The following ATP6V0D1 variants were observed in gnomAD, a reference collection of about 807,000 sequenced individuals.
ATP6V0D1 encodes the protein V-type proton ATPase subunit d 1.
In ATP6V0D1, 13 loss-of-function variants were observed where a neutral mutation model predicts 39.0. The observed-to-expected ratio is 0.33, with a 90% CI of 0.22 to 0.53. ATP6V0D1 has a LOEUF of 0.53. Ranked by LOEUF, ATP6V0D1 falls within the 20% of genes least tolerant of loss-of-function variation. ATP6V0D1 has a pLI of 0.94. For synonymous variants in ATP6V0D1, 191 were observed against 191.2 expected (o/e 1.00, Z 0.01); for missense variants, 272 against 470.9 (o/e 0.58, Z 3.91).
At chr16:67,464,221 C>G (rs79731443) in intron 1 of ATP6V0D1, among the ~76,000 whole-genome samples, 1 of 152,296 alleles carries the variant, frequency 6.6e-6, no homozygotes, top group East Asian at 1.9e-4. Context: ...GCCCCAGAAA[C>G]AGGGTCCTTT....
At chr16:67,477,455 A>G (rs1299482632) in intron 1 of ATP6V0D1, among the ~76,000 whole-genome samples, 1 of 152,176 alleles carries the variant, frequency 6.6e-6, no homozygotes, top group Non-Finnish European at 1.5e-5. Flanking sequence ...GACTTTTTTC[A>G]GAGATGCTGA....
chr16:67,473,225 G>A (rs376789198), intron 1 of ATP6V0D1, among the ~76,000 whole-genome samples: 1 of 152,280 alleles, frequency 6.6e-6, no homozygotes, highest in Non-Finnish European at 1.5e-5. Flanking sequence ...GGGGCTGGGG[G>A]GGGTGGCGCA....
In ATP6V0D1 at chr16:67,438,326, G is replaced by C. The variant is rs539792454; in HGVS notation, c.*202C>G. ...TCTTCGTCCATCCTTGGTGGGGGGGGGTGCCCAGCCCCTTTTCAGGCCTAA... is the reference window on the plus strand; with the variant it reads ...TCTTCGTCCATCCTTGGTGGGGGGGCGTGCCCAGCCCCTTTTCAGGCCTAA... On this transcript the variant is annotated 3_prime_UTR_variant, in exon 8 of 8. Transcript: ENST00000290949. 6 of 636,008 alleles carry C rather than the reference G, an allele frequency of 9.4e-6. No homozygotes were observed. Among genetic ancestry groups the C allele is most frequent in the Non-Finnish European group, 1.3e-5 (5 of 376,554 alleles). The allele number at this position is 636,008 out of a possible 1,614,324, so 39.4% of individuals were successfully genotyped here. A position where few individuals can be genotyped will look rare whatever the true frequency, so the allele number is the denominator to read the frequency against.
intron 3 of ATP6V0D1, 175 bp from the exon 4 acceptor site, chr16:67,443,353 TG>T: frequency 1.7e-6 from 1 of 604,988 alleles, no homozygotes; most frequent in East Asian, 2.8e-5. Flanking sequence ...CTCTGGGCCA[TG>T]TACACTGACC....
At chr16:67,479,079 G>C (rs374775014) in intron 1 of ATP6V0D1, among the ~76,000 whole-genome samples, 1 of 152,068 alleles carries the variant, frequency 6.6e-6, no homozygotes, top group Non-Finnish European at 1.5e-5. Flanking sequence ...AAGGGTAATC[G>C]GTTGCTGGCA....
chr16:67,468,148 A>G (rs2041344990), intron 1 of ATP6V0D1, among the ~76,000 whole-genome samples: 1 of 152,130 alleles, frequency 6.6e-6, no homozygotes, highest in Non-Finnish European at 1.5e-5. Context: ...AAAATTAGCC[A>G]GACATGGTAA....
intron 1 of ATP6V0D1, among the ~76,000 whole-genome samples, chr16:67,465,851 C>T (rs1301784599): frequency 2.0e-5 from 3 of 152,238 alleles, no homozygotes; most frequent in South Asian, 4.1e-4. Flanking sequence ...AAGTAGGGCC[C>T]AGAGCAGAGA....
At chr16:67,470,438 C>T (rs1298685367) in intron 1 of ATP6V0D1, among the ~76,000 whole-genome samples, 1 of 152,248 alleles carries the variant, frequency 6.6e-6, no homozygotes, top group Non-Finnish European at 1.5e-5. Context: ...GTCCCTCTCT[C>T]TGCTCCGCTT....
rs747258215 is a variant in ATP6V0D1 at position 67,438,321 on chromosome 16, G to A, written c.*207C>T. ...GGGGGTCTTCGTCCATCCTTGGTGGGGGGGGGTGCCCAGCCCCTTTTCAGG... is the reference window on the plus strand; with the variant it reads ...GGGGGTCTTCGTCCATCCTTGGTGGAGGGGGGTGCCCAGCCCCTTTTCAGG... On this transcript the variant is annotated 3_prime_UTR_variant, in exon 8 of 8. Transcript: ENST00000290949. The A allele has an allele frequency of 1.1e-5, 7 of 626,218 alleles. No homozygotes were observed. The highest frequency in any genetic ancestry group is 4.0e-5 in the South Asian group (2 of 49,798). The allele number at this position is 626,218 out of a possible 1,614,324, so 38.8% of individuals were successfully genotyped here. A position where few individuals can be genotyped will look rare whatever the true frequency, so the allele number is the denominator to read the frequency against.
chr16:67,457,489 G>GAGC (rs2041249394), intron 1 of ATP6V0D1: 1 of 1,023,092 alleles, frequency 9.8e-7, no homozygotes, highest in Non-Finnish European at 1.3e-6. Flanking sequence ...CTGGCAGGTG[G>GAGC]TGGCAGAGGG....
Position 67,438,265 on chromosome 16 carries a change from C to G in ATP6V0D1, c.*263G>C. 1 of 527,880 alleles carries G rather than the reference C, an allele frequency of 1.9e-6. No homozygotes were observed. The highest frequency in any genetic ancestry group is 2.2e-5 in the South Asian group (1 of 45,516). 32.7% of individuals were successfully genotyped at this position (527,880 alleles called of 1,614,324 possible). Reference sequence around the variant, plus strand: ...TCTTAGATACATCAGCGGCTGTAACCACAGGGCTGAGGGGGCCTCCTTGCT... The same window carrying G: ...TCTTAGATACATCAGCGGCTGTAACGACAGGGCTGAGGGGGCCTCCTTGCT... On this transcript the variant is annotated 3_prime_UTR_variant, in exon 8 of 8. Coordinates refer to ENST00000290949, the MANE Select transcript of ATP6V0D1 (RefSeq NM_004691.5).
At chr16:67,441,313 C>A (rs147939027) in intron 4 of ATP6V0D1, 1 of 152,344 alleles carries the variant, frequency 6.6e-6, no homozygotes, top group Non-Finnish European at 1.5e-5. Flanking sequence ...GTTGAGGGTC[C>A]GCCTAATCTC....
At chr16:67,473,889 T>C (rs1325192739) in intron 1 of ATP6V0D1, among the ~76,000 whole-genome samples, 2 of 152,228 alleles carry the variant, frequency 1.3e-5, no homozygotes, top group Non-Finnish European at 2.9e-5. Context: ...CGAACTGACC[T>C]TGTGATCCCC....
chr16:67,459,229 T>C (rs1291682814), intron 1 of ATP6V0D1: 1 of 985,494 alleles, frequency 1.0e-6, no homozygotes, highest in Non-Finnish European at 1.2e-6. Flanking sequence ...CAGGAAATAG[T>C]GCTGCTTTCT....
chr16:67,444,449 C>G lies in ATP6V0D1; in HGVS notation c.481+79G>C. The G allele has an allele frequency of 1.4e-6, 2 of 1,474,306 alleles. No homozygotes were observed. The highest frequency in any genetic ancestry group is 9.1e-7 in the Non-Finnish European group (1 of 1,098,334). 91.3% of individuals were successfully genotyped at this position (1,474,306 alleles called of 1,614,324 possible). A position where few individuals can be genotyped will look rare whatever the true frequency, so the allele number is the denominator to read the frequency against. Reference sequence around the variant, plus strand: ...CACTTTCTGGCTCAGGGTCGCCCCCCAGCGGGTCCACAAACCCCACCCTGA... The same window carrying G: ...CACTTTCTGGCTCAGGGTCGCCCCCGAGCGGGTCCACAAACCCCACCCTGA... On this transcript the variant is annotated intron_variant, in intron 3 of 7. Transcript: ENST00000290949. The surrounding 1 kb of genome is among the most constrained non-coding windows in gnomAD (Gnocchi z 4.8).
At chr16:67,455,412 A>T (rs1226847849) in intron 1 of ATP6V0D1, 1 of 152,180 alleles carries the variant, frequency 6.6e-6, no homozygotes, top group Non-Finnish European at 1.5e-5. Context: ...GGAATACAGC[A>T]GGTCTCTGGA....
Position 67,444,686 on chromosome 16 carries a change from T to G in ATP6V0D1, c.323A>C (p.Asn108Thr), listed in dbSNP as rs758098890. 6.2e-7 allele frequency: 1 copy of G among 1,601,766 alleles called. No individual in the cohort carries two copies. Among genetic ancestry groups the G allele is most frequent in the African/African-American group, 1.3e-5 (1 of 74,768 alleles). ...DFITYSYMIDNVILLITGTLH... is the reference protein window; with the variant it reads ...DFITYSYMIDTVILLITGTLH... The stretch of plus-strand genomic sequence containing the variant: ...CGTGCCTGTGATGAGCAGGATCACG[T>G]TGTCGATCATGTAACTGTAACTACA... Residue 108 changes from asparagine to threonine, a missense_variant, in exon 3 of 8, where the codon AAC becomes ACC. Physicochemically the swap from Asn to Thr is moderately conservative, Grantham distance 65. This residue lies in a region of ATP6V0D1 where 135 missense variants were observed against 273.8 expected (regional missense o/e 0.49). Coordinates refer to ENST00000290949, the MANE Select transcript of ATP6V0D1 (RefSeq NM_004691.5). This position sits in a 1 kb window ranked among gnomAD's most constrained non-coding sequence, Gnocchi z 4.8.
At chr16:67,465,182 G>A (rs1443459275) in intron 1 of ATP6V0D1, among the ~76,000 whole-genome samples, 1 of 152,228 alleles carries the variant, frequency 6.6e-6, no homozygotes, top group African/African-American at 2.4e-5. Context: ...GCCCAATGGA[G>A]AGGCCTCCAA....
intron 1 of ATP6V0D1, among the ~76,000 whole-genome samples, chr16:67,460,723 TG>T (rs1299215231): frequency 1.3e-5 from 2 of 152,072 alleles, no homozygotes; most frequent in African/African-American, 4.8e-5. Context: ...CACCCTCAAC[TG>T]GGGTATCCAT....
Sources: allele counts gnomAD v4.1 joint callset (sites outside exome capture counted in the v4.1 genomes callset), GRCh38; gene constraint gnomAD v4.1.1; regional missense constraint gnomAD v4.1.1; non-coding constraint Gnocchi (gnomAD v3.1); transcripts MANE v1.5; gene names NCBI Gene and HGNC (gene_info 2026-07-23, HGNC 2026-07-21).